Variants in PDE4B observed in about 807,000 individuals in gnomAD.
PDE4B encodes the protein phosphodiesterase 4B.
A neutral mutation model predicts 82.2 loss-of-function variants in PDE4B; 20 were observed. The observed-to-expected ratio is 0.24, with a 90% confidence interval of 0.17 to 0.35. The LOEUF is 0.35. Ranked by LOEUF, PDE4B falls within the 10% of genes least tolerant of loss-of-function variation. The pLI is 1.00. For missense variants in PDE4B, 655 were observed against 907.2 expected, an observed-to-expected ratio of 0.72 and a Z score of 3.57; for synonymous variants, 320 against 318.9, an observed-to-expected ratio of 1.00 and a Z score of -0.04.
chr1:65,986,911 G>A (rs1650984646), intron 3 of PDE4B, among the ~76,000 whole-genome samples: 1 of 152,160 alleles, frequency 6.6e-6, no homozygotes, highest in Admixed American at 6.6e-5. Context: ...CGATATTTGG[G>A]CAGATGCTGA....
intron 3 of PDE4B, among the ~76,000 whole-genome samples, chr1:66,023,528 T>C (rs1036040472): frequency 6.6e-6 from 1 of 152,126 alleles, no homozygotes; most frequent in African/African-American, 2.4e-5. Flanking sequence ...CTGAGGGCTA[T>C]GGAACAAGTG....
chr1:66,134,280 T>C (rs943774280), intron 3 of PDE4B, among the ~76,000 whole-genome samples: 6 of 152,242 alleles, frequency 3.9e-5, no homozygotes, highest in African/African-American at 1.4e-4. Flanking sequence ...AAAGCAATTA[T>C]GTGGTCATTT....
At chr1:65,842,401 G>A (rs1175562897) in intron 1 of PDE4B, among the ~76,000 whole-genome samples, 5 of 152,098 alleles carry the variant, frequency 3.3e-5, no homozygotes, top group African/African-American at 1.2e-4. Context: ...CTGGCTCTTA[G>A]TAGTTTGAAG....
intron 1 of PDE4B, among the ~76,000 whole-genome samples, chr1:65,870,001 G>A (rs1288868276): frequency 1.3e-5 from 2 of 152,038 alleles, no homozygotes; most frequent in Non-Finnish European, 2.9e-5. Context: ...TGTGGAAAGG[G>A]TTTGAGAACT....
At chr1:66,121,223 CAGGGGA>C (rs111588388) in intron 3 of PDE4B, among the ~76,000 whole-genome samples, 8,501 of 152,042 alleles carry the variant, frequency 0.056, 569 homozygotes, top group East Asian at 0.29. Flanking sequence ...GAGGATAATT[CAGGGGA>C]AGGAATGAGC....
At chr1:65,830,906 A>C (rs762776556) in intron 1 of PDE4B, among the ~76,000 whole-genome samples, 49 of 152,260 alleles carry the variant, frequency 3.2e-4, no homozygotes, top group Non-Finnish European at 5.9e-4. Context: ...GATGGGTACA[A>C]AATAATTCTC....
intron 3 of PDE4B, among the ~76,000 whole-genome samples, chr1:65,973,791 A>G (rs1457460137): frequency 6.8e-6 from 1 of 146,286 alleles, no homozygotes; most frequent in Non-Finnish European, 1.5e-5. Flanking sequence ...CCATTATAGG[A>G]CATAAATGTA....
At chr1:66,119,835 A>C (rs1166070044) in intron 3 of PDE4B, among the ~76,000 whole-genome samples, 2 of 152,162 alleles carry the variant, frequency 1.3e-5, no homozygotes, top group African/African-American at 4.8e-5. Context: ...ATCTTTTAAA[A>C]AAGAGAGAAT....
intron 16 of PDE4B, among the ~76,000 whole-genome samples, chr1:66,371,079 T>G (rs74561212): frequency 1.0e-5 from 1 of 96,688 alleles, no homozygotes; most frequent in African/African-American, 3.7e-5. Flanking sequence ...TATATATATA[T>G]ACACACACAT....
chr1:66,162,204 G>C (rs902854875), intron 3 of PDE4B, among the ~76,000 whole-genome samples: 1 of 151,600 alleles, frequency 6.6e-6, no homozygotes, highest in Non-Finnish European at 1.5e-5. Flanking sequence ...GAGGCTCTAG[G>C]GATGTTCTCC....
At chr1:66,111,968 A>T (rs1252213789) in intron 3 of PDE4B, among the ~76,000 whole-genome samples, 1 of 152,158 alleles carries the variant, frequency 6.6e-6, no homozygotes, top group Non-Finnish European at 1.5e-5. Flanking sequence ...ACAATTTATG[A>T]ATCTAAATGA....
At chr1:66,139,782 AC>A (rs1213611202) in intron 3 of PDE4B, among the ~76,000 whole-genome samples, 4 of 151,782 alleles carry the variant, frequency 2.6e-5, no homozygotes, top group Non-Finnish European at 5.9e-5. Context: ...GGCCAAACAT[AC>A]AAAAACCACA....
intron 3 of PDE4B, among the ~76,000 whole-genome samples, chr1:66,052,161 G>A (rs1176021033): frequency 6.6e-6 from 1 of 152,004 alleles, no homozygotes; most frequent in Admixed American, 6.6e-5. Flanking sequence ...AATACAACTG[G>A]CATCATATAC....
chr1:66,082,641 A>AATATATATATATATATATATATATAT (rs67481716), intron 3 of PDE4B, among the ~76,000 whole-genome samples: 1 of 147,834 alleles, frequency 6.8e-6, no homozygotes, highest in African/African-American at 2.5e-5. Context: ...GGATTGAAAT[A>AATATATATATATATATATATATATAT]ATATATATAT....
intron 3 of PDE4B, among the ~76,000 whole-genome samples, chr1:66,139,742 AAAAAAAAAAAC>A (rs947186426): frequency 6.8e-6 from 1 of 147,894 alleles, no homozygotes; most frequent in Non-Finnish European, 1.5e-5. Context: ...CCTCAAAAAA[AAAAAAAAAAAC>A]AAAAAACAAC....
intron 3 of PDE4B, among the ~76,000 whole-genome samples, chr1:66,124,900 G>A (rs975978108): frequency 6.2e-5 from 8 of 128,646 alleles, no homozygotes; most frequent in East Asian, 2.4e-4. Flanking sequence ...TAGCCTGAAC[G>A]AGCTGTGTGT....
At chr1:66,080,431 G>A (rs1656663711) in intron 3 of PDE4B, among the ~76,000 whole-genome samples, 3 of 151,830 alleles carry the variant, frequency 2.0e-5, no homozygotes, top group Admixed American at 2.0e-4. Context: ...TTGTAGTATT[G>A]GGGAAAAAAG....
intron 3 of PDE4B, among the ~76,000 whole-genome samples, chr1:66,213,506 C>G (rs1650223585): frequency 6.6e-6 from 1 of 152,152 alleles, no homozygotes; most frequent in African/African-American, 2.4e-5. Flanking sequence ...GCACTATAAT[C>G]ACTTTTACTG....
At chr1:65,803,745 A>G (rs1223317727) in intron 1 of PDE4B, among the ~76,000 whole-genome samples, 1 of 152,224 alleles carries the variant, frequency 6.6e-6, no homozygotes, top group Non-Finnish European at 1.5e-5. Flanking sequence ...ATATCTTGGA[A>G]ACAATGAGGT....
Sources: gnomAD v4.1 joint callset for allele counts (sites outside exome capture counted in the v4.1 genomes callset) on GRCh38, gnomAD v4.1.1 for gene constraint, MANE v1.5 for transcripts, NCBI Gene and HGNC (gene_info 2026-07-23, HGNC 2026-07-21) for gene names.